Variants in AIMP1 observed in about 807,000 individuals in gnomAD.
AIMP1 encodes the protein aminoacyl tRNA synthetase complex interacting multifunctional protein 1, also known as aminoacyl tRNA synthase complex-interacting multifunctional protein 1.
In AIMP1, 24 loss-of-function variants were observed where a neutral mutation model predicts 33.1. The observed-to-expected ratio is 0.73, with a 90% CI of 0.53 to 1.02. The LOEUF is 1.02. Ranked by LOEUF, AIMP1 falls within the 50% of genes least tolerant of loss-of-function variation. AIMP1 has a pLI of 0.00. For missense variants in AIMP1, 367 were observed against 364.8 expected, an observed-to-expected ratio of 1.01 and a Z score of -0.05; for synonymous variants, 120 against 121.5, an observed-to-expected ratio of 0.99 and a Z score of 0.08.
intron 2 of AIMP1, among the ~76,000 whole-genome samples, chr4:106,326,594 A>T (rs1487574403): frequency 2.0e-5 from 3 of 152,300 alleles, no homozygotes; most frequent in Middle Eastern, 3.4e-3. Flanking sequence ...TGAATGTTTG[A>T]TTAGCTTAAC....
At chr4:106,338,749 C>T (rs1769987885) in intron 6 of AIMP1, among the ~76,000 whole-genome samples, 1 of 152,186 alleles carries the variant, frequency 6.6e-6, no homozygotes, top group Non-Finnish European at 1.5e-5. Flanking sequence ...CCACTGTCCT[C>T]CAGACCCTAG....
intron 5 of AIMP1, among the ~76,000 whole-genome samples, chr4:106,332,703 GAT>G (rs144897056): frequency 9.7e-5 from 14 of 143,970 alleles, no homozygotes; most frequent in Admixed American, 1.4e-4. Flanking sequence ...TGTCTATATA[GAT>G]ATATATATAT....
At chr4:106,337,096 G>T (rs1029040530) in intron 6 of AIMP1, 59 bp downstream of exon 6, 12 of 1,453,664 alleles carry the variant, frequency 8.3e-6, no homozygotes, top group South Asian at 1.1e-5. Flanking sequence ...AGTGATGTTT[G>T]TAATGCTTAA....
rs1770397555 is a variant in AIMP1, at chr4:106,348,955, G to A, written c.*1263G>A. ...TCTGAATCCTTCAATAAGAAGGAGA[G>A]GCACACACAAATACACACACTCACA... On this transcript the variant is annotated 3_prime_UTR_variant, in exon 7 of 7. Transcript: ENST00000672341. The A allele has an allele frequency of 6.6e-6, 1 of 151,870 alleles. No individual in the cohort carries two copies. The highest frequency in any genetic ancestry group is 2.4e-5 in the African/African-American group (1 of 41,320). The allele number at this position is 151,870 out of a possible 1,614,324, so 9.4% of individuals were successfully genotyped here.
rs1259197151 is a variant in AIMP1, at chr4:106,331,786, C to G, written c.506C>G (p.Pro169Arg). 6.2e-7 allele frequency: 1 copy of G among 1,614,082 alleles called. No homozygotes were observed. The highest frequency in any genetic ancestry group is 1.3e-5 in the African/African-American group (1 of 75,020). Residue 169 changes from proline (P) to arginine (R), a missense_variant, in exon 5 of 7, where the codon CCT becomes CGT. By Grantham distance (103) the Pro-to-Arg change is moderately radical. Coordinates refer to ENST00000672341, the MANE Select transcript of AIMP1 (RefSeq NM_001142416.2). ...IGCIITARKH[P>R]DADSLYVEEV... The stretch of plus-strand genomic sequence containing the variant: ...TGCATCATAACTGCTAGAAAACACC[C>G]TGATGCAGATTCTTTGTATGTGGAA...
intron 4 of AIMP1, among the ~76,000 whole-genome samples, chr4:106,330,729 G>A (rs1002850732): frequency 7.2e-5 from 11 of 152,186 alleles, no homozygotes; most frequent in African/African-American, 1.9e-4. Context: ...ATAGCACTCC[G>A]TATGTTGAAA....
At chr4:106,321,718 C>G (rs1438057229) in intron 1 of AIMP1, among the ~76,000 whole-genome samples, 1 of 152,186 alleles carries the variant, frequency 6.6e-6, no homozygotes. Flanking sequence ...TCATTGAGAA[C>G]GGGCCATGAT....
At chr4:106,345,229 T>C (rs1183124243) in intron 6 of AIMP1, among the ~76,000 whole-genome samples, 3 of 152,196 alleles carry the variant, frequency 2.0e-5, no homozygotes, top group African/African-American at 4.8e-5. Context: ...ACAATCTATA[T>C]TCTTTATAAG....
upstream of AIMP1, chr4:106,316,544 C>T (rs1165779559): frequency 6.4e-7 from 1 of 1,551,612 alleles, no homozygotes. Flanking sequence ...GTGGCTGGAC[C>T]TACATGCTTC....
At chr4:106,315,792 C>CT (rs1277819969), upstream of AIMP1, 1 of 152,288 alleles carries the variant, frequency 6.6e-6, no homozygotes, top group Non-Finnish European at 1.5e-5. Context: ...GAGACAGTAC[C>CT]TATCAGCAAG....
chr4:106,316,489 G>T (rs540921826), upstream of AIMP1: 116 of 1,521,624 alleles, frequency 7.6e-5, no homozygotes, highest in Middle Eastern at 8.4e-4. Context: ...CAGGCTTTCA[G>T]CAAGGACACC....
At chr4:106,315,935 G>A (rs1768793089), upstream of AIMP1, 1 of 152,652 alleles carries the variant, frequency 6.6e-6, no homozygotes, top group Non-Finnish European at 1.5e-5. Flanking sequence ...ACCTGCCTCT[G>A]AGTCTGGGGA....
chr4:106,345,123 G>C (rs976158783), intron 6 of AIMP1, among the ~76,000 whole-genome samples: 1 of 152,028 alleles, frequency 6.6e-6, no homozygotes, highest in Non-Finnish European at 1.5e-5. Flanking sequence ...AGTTTATATG[G>C]CACTTTCTTT....
intron 2 of AIMP1, among the ~76,000 whole-genome samples, chr4:106,325,649 C>G (rs1769426227): frequency 6.6e-6 from 1 of 151,898 alleles, no homozygotes; most frequent in African/African-American, 2.4e-5. Flanking sequence ...TCTTGATAAG[C>G]ATTTTAGTTT....
chr4:106,318,870 A>G (rs1277010234), intron 1 of AIMP1, among the ~76,000 whole-genome samples: 2 of 152,210 alleles, frequency 1.3e-5, no homozygotes, highest in Non-Finnish European at 2.9e-5. Flanking sequence ...GTTAAATTTA[A>G]AAGAAGTCTG....
chr4:106,337,059 C>A, intron 6 of AIMP1, 22 bp downstream of exon 6: 1 of 1,604,268 alleles, frequency 6.2e-7, no homozygotes, highest in Non-Finnish European at 8.5e-7. Flanking sequence ...TTAGTAATTA[C>A]TTAATAGTTT....
intron 1 of AIMP1, among the ~76,000 whole-genome samples, chr4:106,320,799 C>T (rs568462200): frequency 3.3e-5 from 5 of 152,132 alleles, no homozygotes; most frequent in Non-Finnish European, 7.4e-5. Context: ...GATGCCGAGC[C>T]GAGGCTGGAC....
At chr4:106,326,565 C>G (rs1344763655) in intron 2 of AIMP1, among the ~76,000 whole-genome samples, 1 of 152,090 alleles carries the variant, frequency 6.6e-6, no homozygotes, top group African/African-American at 2.4e-5. Context: ...TGAGCAAATC[C>G]TTGAGTTATT....
At chr4:106,345,001 T>G (rs540164483) in intron 6 of AIMP1, among the ~76,000 whole-genome samples, 1 of 152,338 alleles carries the variant, frequency 6.6e-6, no homozygotes, top group South Asian at 2.1e-4. Context: ...TGAATATTAC[T>G]TACATATGTA....
Sources: gnomAD v4.1 joint callset for allele counts (sites outside exome capture counted in the v4.1 genomes callset) on GRCh38, gnomAD v4.1.1 for gene constraint, MANE v1.5 for transcripts, NCBI Gene and HGNC (gene_info 2026-07-23, HGNC 2026-07-21) for gene names.